Variants in ROBO2 observed in about 807,000 individuals in gnomAD.
The protein encoded by ROBO2 is roundabout homolog 2.
ROBO2 carries 53 observed loss-of-function variants against 160.8 expected under a neutral mutation model. That is an observed-to-expected ratio of 0.33 (90% CI 0.26 to 0.41). The LOEUF (loss-of-function observed/expected upper bound fraction) is 0.41, where lower values mean the gene tolerates loss of function less well. Among genes scored for constraint, ROBO2 ranks in the 10% least tolerant of loss-of-function variants. The pLI, the probability that ROBO2 is intolerant of heterozygous loss-of-function variation, is 1.00. For missense variants in ROBO2, 1,577 were observed against 1,722.4 expected (o/e 0.92, Z 1.49); for synonymous variants, 664 against 611.7 (o/e 1.09, Z -1.26).
At chr3:77,531,118 T>C (rs1447850) in intron 6 of ROBO2, among the ~76,000 whole-genome samples, 16,508 of 151,966 alleles carry the variant, frequency 0.11, 1,166 homozygotes, top group South Asian at 0.2. Context: ...TACCATATGC[T>C]AGATGCTGAT....
chr3:77,046,008 T>C (rs2064627288), intron 1 of ROBO2, among the ~76,000 whole-genome samples: 1 of 152,232 alleles, frequency 6.6e-6, no homozygotes. Context: ...GGTTTACTAG[T>C]TGATGAACAT....
chr3:77,239,980 A>G (rs777192269), intron 2 of ROBO2, among the ~76,000 whole-genome samples: 1 of 152,108 alleles, frequency 6.6e-6, no homozygotes, highest in Non-Finnish European at 1.5e-5. Flanking sequence ...CTAGCTAGAG[A>G]TAAAAGTTCT....
At chr3:75,907,729 C>T (rs1303760270) in intron 1 of ROBO2, among the ~76,000 whole-genome samples, 1 of 152,142 alleles carries the variant, frequency 6.6e-6, no homozygotes, top group East Asian at 1.9e-4. Context: ...ACTTTATTTT[C>T]TTCGAAGAAC....
rs1436836660 is a variant in ROBO2, at chr3:76,124,883, T to C, written c.109+187281T>C. 2.0e-5 allele frequency among the ~76,000 whole-genome samples: 3 copies of C among 152,146 alleles called. No individual in the cohort carries two copies. In the East Asian group the frequency reaches 5.8e-4, roughly 29 times the overall value. On this transcript the variant is annotated intron_variant, in intron 2 of 26. Transcript: ENST00000487694. ...TCAACTTTCAGATACAGAGGGTACA[T>C]ATGCAGATTTGTTACATGGGAATAT...
At chr3:76,813,799 A>G (rs999083875) in intron 2 of ROBO2, among the ~76,000 whole-genome samples, 6 of 152,244 alleles carry the variant, frequency 3.9e-5, no homozygotes, top group Admixed American at 3.9e-4. Flanking sequence ...GATGAAAAGG[A>G]GAAATGCTTT....
At chr3:76,858,105 G>A (rs545058262) in intron 2 of ROBO2, among the ~76,000 whole-genome samples, 13 of 151,076 alleles carry the variant, frequency 8.6e-5, no homozygotes, top group African/African-American at 2.9e-4. Context: ...CATAGCACTC[G>A]CTAGTACACT....
chr3:76,640,596 A>AGTGTGTGTGT (rs59208285), intron 2 of ROBO2, among the ~76,000 whole-genome samples: 12 of 147,056 alleles, frequency 8.2e-5, no homozygotes, highest in African/African-American at 2.5e-4. Context: ...TTTGCGTGTG[A>AGTGTGTGTGT]GTGTGTGTGT....
intron 2 of ROBO2, among the ~76,000 whole-genome samples, chr3:77,399,477 A>T (rs1339964661): frequency 1.3e-5 from 2 of 152,208 alleles, no homozygotes; most frequent in Non-Finnish European, 2.9e-5. Flanking sequence ...CCACTGAATC[A>T]AGATGTGAAA....
chr3:77,386,342 A>G (rs1160084341), intron 2 of ROBO2, among the ~76,000 whole-genome samples: 1 of 152,174 alleles, frequency 6.6e-6, no homozygotes, highest in East Asian at 1.9e-4. Context: ...AATGTTTAAC[A>G]CTTTAAAAAA....
At chr3:77,616,046 C>T (rs936537269) in intron 21 of ROBO2, among the ~76,000 whole-genome samples, 3 of 152,094 alleles carry the variant, frequency 2.0e-5, no homozygotes, top group Non-Finnish European at 4.4e-5. Flanking sequence ...TTAAGAATCT[C>T]ACAAAATAGT....
intron 2 of ROBO2, among the ~76,000 whole-genome samples, chr3:77,438,239 T>TGATA (rs531726468): frequency 1.3e-5 from 2 of 150,596 alleles, no homozygotes; most frequent in African/African-American, 2.4e-5. Context: ...ATTGATAGAT[T>TGATA]GATAGATAGA....
intron 2 of ROBO2, among the ~76,000 whole-genome samples, chr3:76,425,853 A>G (rs1577105963): frequency 6.6e-6 from 1 of 152,108 alleles, no homozygotes; most frequent in Non-Finnish European, 1.5e-5. Context: ...GAGGTGTTCA[A>G]CTTACCTCAT....
At chr3:77,075,377 T>C (rs1483750594) in intron 1 of ROBO2, among the ~76,000 whole-genome samples, 1 of 152,144 alleles carries the variant, frequency 6.6e-6, no homozygotes, top group Non-Finnish European at 1.5e-5. Context: ...TTGAGAGTAA[T>C]GTGTTCCCTC....
chr3:76,620,764 A>T (rs2089005242), intron 2 of ROBO2, among the ~76,000 whole-genome samples: 1 of 152,138 alleles, frequency 6.6e-6, no homozygotes, highest in Non-Finnish European at 1.5e-5. Context: ...AAGCTTAGGG[A>T]CCAGTTCCAA....
intron 2 of ROBO2, among the ~76,000 whole-genome samples, chr3:77,370,461 C>G (rs2071574767): frequency 6.6e-6 from 1 of 152,194 alleles, no homozygotes; most frequent in African/African-American, 2.4e-5. Flanking sequence ...GCCACTCTCT[C>G]TCATTCTTTT....
At chr3:77,120,192 A>T (rs535710719) in intron 2 of ROBO2, among the ~76,000 whole-genome samples, 71 of 152,316 alleles carry the variant, frequency 4.7e-4, no homozygotes, top group African/African-American at 1.7e-3. Flanking sequence ...TGTAATAGAC[A>T]TTGGCATTTA....
At chr3:76,671,822 C>T (rs550789062) in intron 2 of ROBO2, among the ~76,000 whole-genome samples, 5 of 152,014 alleles carry the variant, frequency 3.3e-5, no homozygotes, top group Admixed American at 6.6e-5. Context: ...ATTTAAATTA[C>T]TGCTATAATT....
chr3:77,196,103 T>G (rs187767820), intron 2 of ROBO2, among the ~76,000 whole-genome samples: 1 of 152,292 alleles, frequency 6.6e-6, no homozygotes, highest in African/African-American at 2.4e-5. Flanking sequence ...TTTAGAGCCT[T>G]CCCTGGCAAC....
chr3:75,963,508 A>G (rs987102016), intron 2 of ROBO2, among the ~76,000 whole-genome samples: 7 of 151,794 alleles, frequency 4.6e-5, no homozygotes, highest in African/African-American at 1.7e-4. Flanking sequence ...TTTTTTTAAA[A>G]TTGTCATTAT....
Sources: allele counts gnomAD v4.1 joint callset (sites outside exome capture counted in the v4.1 genomes callset), GRCh38; gene constraint gnomAD v4.1.1; transcripts MANE v1.5; gene names NCBI Gene and HGNC (gene_info 2026-07-23, HGNC 2026-07-21).